GPRIN1: variants seen among roughly 807,000 people sequenced by gnomAD.
GPRIN1 encodes the protein G protein-regulated inducer of neurite outgrowth 1.
GPRIN1 carries 4 observed loss-of-function variants against 2.8 expected under a neutral mutation model. The observed-to-expected ratio is 1.45, with a 90% CI of 0.71 to 3.32. The LOEUF (loss-of-function observed/expected upper bound fraction) is 3.32. GPRIN1 is among the 30% of genes most tolerant of loss of function. The pLI is 0.01. For synonymous variants in GPRIN1, 589 were observed against 589.9 expected (o/e 1.00, Z 0.02); for missense variants, 1,322 against 1,343.4 (o/e 0.98, Z 0.25).
At chr5:176,608,403 C>G (rs961483101) in intron 1 of GPRIN1, among the ~76,000 whole-genome samples, 1 of 152,196 alleles carries the variant, frequency 6.6e-6, no homozygotes, top group African/African-American at 2.4e-5. Flanking sequence ...TGGGCACAAA[C>G]AGGTTGAGTG....
In GPRIN1 at chr5:176,597,217, G is replaced by T; in HGVS notation, c.2618C>A (p.Thr873Asn). The T allele has an allele frequency of 7.8e-7, 1 of 1,276,500 alleles. No individual in the cohort carries two copies. 79.1% of individuals were successfully genotyped at this position (1,276,500 alleles called of 1,614,324 possible). A position where few individuals can be genotyped will look rare whatever the true frequency, so the allele number is the denominator to read the frequency against. ...GGCGGCTTGAGGTGTCATGGGCCCA[G>T]TGGCCACGGAGCGCGTCTCGGCGGC... ...LGAAETRSVA[T>N]GPMTPQAAAP... The change falls in exon 2 of 2, where the codon ACT (threonine) becomes AAT (asparagine). Residue 873 changes from threonine (T) to asparagine (N), a missense_variant. This residue lies in a region of GPRIN1 where 1,117 missense variants were observed against 1,128.6 expected (regional missense o/e 0.99). Coordinates refer to ENST00000303991, the MANE Select transcript of GPRIN1 (RefSeq NM_052899.3). The surrounding 1 kb of genome is among the most constrained non-coding windows in gnomAD (Gnocchi z 6.1).
At chr5:176,603,976 G>A (rs1189465201) in intron 1 of GPRIN1, among the ~76,000 whole-genome samples, 1 of 152,164 alleles carries the variant, frequency 6.6e-6, no homozygotes, top group African/African-American at 2.4e-5. Context: ...AAGGGGCAAC[G>A]GCACTCAATT....
In GPRIN1 at chr5:176,602,221, C is replaced by T. The variant is rs1310844740; in HGVS notation, c.-43-2344G>A. Among the ~76,000 whole-genome samples, 1 of 152,174 alleles carries T rather than the reference C, an allele frequency of 6.6e-6. No homozygotes were observed. The highest frequency in any genetic ancestry group is 2.4e-5 in the African/African-American group (1 of 41,434). ...ATTTCTCTCCAAATATCTGCATGGTCGGCTCCCCAAGGCTTTCCCTGACCC... is the reference window on the plus strand; with the variant it reads ...ATTTCTCTCCAAATATCTGCATGGTTGGCTCCCCAAGGCTTTCCCTGACCC... On this transcript the variant is annotated intron_variant, in intron 1 of 1. Coordinates refer to ENST00000303991, the MANE Select transcript of GPRIN1 (RefSeq NM_052899.3). This position sits in a 1 kb window ranked among gnomAD's most constrained non-coding sequence, Gnocchi z 4.4.
chr5:176,597,011 G>A lies in GPRIN1; in HGVS notation c.2824C>T (p.Leu942=). The A allele has an allele frequency of 6.8e-7, 1 of 1,465,672 alleles. No individual in the cohort carries two copies. The highest frequency in any genetic ancestry group is 9.1e-7 in the Non-Finnish European group (1 of 1,103,006). The allele number at this position is 1,465,672 out of a possible 1,614,324, so 90.8% of individuals were successfully genotyped here. ...EVLGMAIQKH[L]ERQIEEHGRQ... is the part of the protein sequence containing the mutation. ...CCGTGCTCCTCGATCTGTCGCTCCA[G>A]ATGCTTCTGGATGGCCATGCCCAGC... The change falls in exon 2 of 2, where the codon CTG becomes TTG. Residue 942 remains leucine, a synonymous_variant. Coordinates refer to ENST00000303991, the MANE Select transcript of GPRIN1 (RefSeq NM_052899.3). This position sits in a 1 kb window ranked among gnomAD's most constrained non-coding sequence, Gnocchi z 6.1.
At position 176,597,082 on chromosome 5, in the gene GPRIN1, T is replaced by A. The variant is rs1357074058; in HGVS notation, c.2753A>T (p.Lys918Met). The A allele has an allele frequency of 1.3e-6, 2 of 1,500,348 alleles. No individual in the cohort carries two copies. Among genetic ancestry groups the A allele is most frequent in the African/African-American group, 1.4e-5 (1 of 69,972 alleles). The allele number at this position is 1,500,348 out of a possible 1,614,324, so 92.9% of individuals were successfully genotyped here. ...EPVRDVSWDEKGMTWEVYGAA... is the reference protein window; with the variant it reads ...EPVRDVSWDEMGMTWEVYGAA... ...GCCGTATACCTCCCACGTCATGCCC[T>A]TCTCGTCCCAGCTCACGTCTCGCAC... The change falls in exon 2 of 2, where the codon AAG (lysine) becomes ATG (methionine). Residue 918 changes from lysine to methionine, a missense_variant. Coordinates refer to ENST00000303991, the MANE Select transcript of GPRIN1 (RefSeq NM_052899.3). This position sits in a 1 kb window ranked among gnomAD's most constrained non-coding sequence, Gnocchi z 6.1.
Position 176,599,343 on chromosome 5 carries a change from A to G in GPRIN1, c.492T>C (p.Thr164=). 1 of 1,614,216 alleles carries G rather than the reference A, an allele frequency of 6.2e-7. No individual in the cohort carries two copies. Among genetic ancestry groups the G allele is most frequent in the East Asian group, 2.2e-5 (1 of 44,886 alleles). Residue 164 remains threonine, a synonymous_variant, in exon 2 of 2, where the codon ACT becomes ACC. Transcript: ENST00000303991. The stretch of plus-strand genomic sequence containing the variant: ...ACCCAGGATCCTCCTTTCCTATGGA[A>G]GTGGAATCGGCCTGCTTTGAGGACT... The part of the protein sequence containing the change: ...DFKSSKQADS[T]SIGKEDPGSS...
Position 176,596,771 on chromosome 5 carries a change from G to A in GPRIN1, c.*37C>T. On this transcript the variant is annotated 3_prime_UTR_variant, in exon 2 of 2. Coordinates refer to ENST00000303991, the MANE Select transcript of GPRIN1 (RefSeq NM_052899.3). This position sits in a 1 kb window ranked among gnomAD's most constrained non-coding sequence, Gnocchi z 5.2. The stretch of plus-strand genomic sequence containing the variant: ...GCCTGTGATCAAGAAGGGAGCCTGA[G>A]AAGGTCGGAAACTCGGGCGTACAAA... The A allele has an allele frequency of 1.4e-6, 2 of 1,395,376 alleles. No individual in the cohort carries two copies. The highest frequency in any genetic ancestry group is 1.9e-6 in the Non-Finnish European group (2 of 1,073,938). 86.4% of individuals were successfully genotyped at this position (1,395,376 alleles called of 1,614,324 possible).
chr5:176,607,640 G>A (rs1375861408), intron 1 of GPRIN1, among the ~76,000 whole-genome samples: 2 of 152,076 alleles, frequency 1.3e-5, no homozygotes, highest in East Asian at 1.9e-4. Flanking sequence ...CACTGCACCC[G>A]GTCTCAGTCT....
chr5:176,606,518 G>T (rs968470507), intron 1 of GPRIN1, among the ~76,000 whole-genome samples: 1 of 152,208 alleles, frequency 6.6e-6, no homozygotes, highest in Admixed American at 6.5e-5. Flanking sequence ...GGCAGTCTGA[G>T]CGTGCTTCCT....
Position 176,597,854 on chromosome 5 carries a change from T to C in GPRIN1, c.1981A>G (p.Lys661Glu), listed in dbSNP as rs993702367. ...TTCTCTGAGGCCTGTGGTGTCTCCT[T>C]TTTCAAACACACAGCCCCTGCTTCC... ...PGEAGAVCLK[K>E]ETPQASEKVD... is the part of the protein sequence containing the mutation. The change falls in exon 2 of 2, where the codon AAG (lysine) becomes GAG (glutamate). Residue 661 changes from lysine to glutamate, a missense_variant. Lys to Glu is a moderately conservative substitution (Grantham distance 56). Around this residue, in one of 3 missense-constraint regions of GPRIN1, gnomAD observed 1,117 missense variants for 1,128.6 expected, o/e 0.99. Transcript: ENST00000303991. This position sits in a 1 kb window ranked among gnomAD's most constrained non-coding sequence, Gnocchi z 6.1. 1 of 1,613,394 alleles carries C rather than the reference T, an allele frequency of 6.2e-7. No individual in the cohort carries two copies. Among genetic ancestry groups the C allele is most frequent in the African/African-American group, 1.3e-5 (1 of 74,862 alleles).
Position 176,595,803 on chromosome 5 carries a change from TG to T in GPRIN1, c.*1004del. Reference sequence around the variant, plus strand: ...TTGGCCAATCACGGCAGACAGGGGTTGGGGAAATATTTTATTACCAATGTAT... The same window carrying T: ...TTGGCCAATCACGGCAGACAGGGGTTGGGAAATATTTTATTACCAATGTAT... On this transcript the variant is annotated 3_prime_UTR_variant, in exon 2 of 2. Transcript: ENST00000303991. 1 of 926,516 alleles carries T rather than the reference TG, an allele frequency of 1.1e-6. No individual in the cohort carries two copies. Among genetic ancestry groups the T allele is most frequent in the Admixed American group, 3.2e-5 (1 of 31,444 alleles). 57.4% of individuals were successfully genotyped at this position (926,516 alleles called of 1,614,324 possible). A position where few individuals can be genotyped will look rare whatever the true frequency, so the allele number is the denominator to read the frequency against.
rs749732345 is a variant in GPRIN1 at position 176,598,495 on chromosome 5, T to C, written c.1340A>G (p.Lys447Arg). The C allele has an allele frequency of 3.1e-6, 5 of 1,614,168 alleles. No homozygotes were observed. The Middle Eastern group carries it at 4.9e-4, about 160-fold the overall frequency. Residue 447 changes from lysine to arginine, a missense_variant, in exon 2 of 2, where the codon AAG (lysine) becomes AGG (arginine). This residue lies in a region of GPRIN1 where 1,117 missense variants were observed against 1,128.6 expected (regional missense o/e 0.99). Coordinates refer to ENST00000303991, the MANE Select transcript of GPRIN1 (RefSeq NM_052899.3). ...TTTTCCTGGGGATACAGTTCCTGCC[T>C]TTCCCACAGACACACGCTCTGCCTG... ...PGQAERVSVG[K>R]AGTVSPGKED...
At position 176,599,775 on chromosome 5, in the gene GPRIN1, T is replaced by TG; in HGVS notation, c.59dup (p.Gly21ArgfsTer42). 1 of 1,514,002 alleles carries TG rather than the reference T, an allele frequency of 6.6e-7. No individual in the cohort carries two copies. Among genetic ancestry groups the TG allele is most frequent in the Non-Finnish European group, 8.8e-7 (1 of 1,130,298 alleles). The allele number at this position is 1,514,002 out of a possible 1,614,324, so 93.8% of individuals were successfully genotyped here. A position where few individuals can be genotyped will look rare whatever the true frequency, so the allele number is the denominator to read the frequency against. On this transcript the variant is annotated frameshift_variant, in exon 2 of 2. Transcript: ENST00000303991. LOFTEE classifies it low-confidence loss of function (END_TRUNC). ...AGAAGAAGGCTGTGGGTCGGGGTCCTGGGGGGCTGGAATCCTTTTGAAGCA... is the reference window on the plus strand; with the variant it reads ...AGAAGAAGGCTGTGGGTCGGGGTCCTGGGGGGGCTGGAATCCTTTTGAAGCA...
chr5:176,604,019 A>G (rs541605515), intron 1 of GPRIN1, among the ~76,000 whole-genome samples: 15 of 152,332 alleles, frequency 9.8e-5, no homozygotes, highest in Admixed American at 2.0e-4. Flanking sequence ...GAATCATTCC[A>G]TTAACTCAGC....
At chr5:176,603,092 A>G (rs1561888202) in intron 1 of GPRIN1, among the ~76,000 whole-genome samples, 2 of 151,868 alleles carry the variant, frequency 1.3e-5, no homozygotes, top group African/African-American at 4.8e-5. Context: ...TTTTTTTTCC[A>G]ATGGACAATA....
intron 1 of GPRIN1, among the ~76,000 whole-genome samples, chr5:176,603,943 C>G (rs2113352349): frequency 6.6e-6 from 1 of 152,282 alleles, no homozygotes; most frequent in South Asian, 2.1e-4. Context: ...CTGTGGCAAA[C>G]TAGAGGGCAC....
Position 176,599,038 on chromosome 5 carries a change from T to A in GPRIN1, c.797A>T (p.His266Leu), listed in dbSNP as rs1759102558. 4 of 1,614,110 alleles carry A rather than the reference T, an allele frequency of 2.5e-6. No homozygotes were observed. The highest frequency in any genetic ancestry group is 3.4e-6 in the Non-Finnish European group (4 of 1,179,988). Residue 266 changes from histidine to leucine, a missense_variant, in exon 2 of 2, where the codon CAT (histidine) becomes CTT (leucine). His to Leu is a moderately conservative substitution (Grantham distance 99). Transcript: ENST00000303991. Reference protein sequence around the residue: ...KEEPRYSGKEHPVSSEKVAPT... With the variant: ...KEEPRYSGKELPVSSEKVAPT... ...AGCGACCTTTTCTGAGGACACAGGA[T>A]GCTCTTTTCCTGAATACCTGGGCTC...
In GPRIN1 at chr5:176,596,641, T is replaced by G; in HGVS notation, c.*167A>C. Reference sequence around the variant, plus strand: ...GAGGGAGCTTGGTAGAAGGGGTTCTTCTGTATTTGTGATGGGAGGGGCTGG... The same window carrying G: ...GAGGGAGCTTGGTAGAAGGGGTTCTGCTGTATTTGTGATGGGAGGGGCTGG... On this transcript the variant is annotated 3_prime_UTR_variant, in exon 2 of 2. Coordinates refer to ENST00000303991, the MANE Select transcript of GPRIN1 (RefSeq NM_052899.3). This position sits in a 1 kb window ranked among gnomAD's most constrained non-coding sequence, Gnocchi z 5.2. The G allele has an allele frequency of 2.1e-6, 1 of 475,564 alleles. No individual in the cohort carries two copies. The highest frequency in any genetic ancestry group is 3.1e-6 in the Non-Finnish European group (1 of 318,878). The allele number at this position is 475,564 out of a possible 1,614,324, so 29.5% of individuals were successfully genotyped here.
chr5:176,608,009 TC>T (rs1759249532), intron 1 of GPRIN1, among the ~76,000 whole-genome samples: 1 of 137,722 alleles, frequency 7.3e-6, no homozygotes, highest in African/African-American at 2.7e-5. Context: ...CCCTGTAGCC[TC>T]CAACTCCTCA....
Sources: allele counts gnomAD v4.1 joint callset (sites outside exome capture counted in the v4.1 genomes callset), GRCh38; gene constraint gnomAD v4.1.1; regional missense constraint gnomAD v4.1.1; non-coding constraint Gnocchi (gnomAD v3.1); transcripts MANE v1.5; gene names NCBI Gene and HGNC (gene_info 2026-07-23, HGNC 2026-07-21).